The following FAM83D variants were observed in gnomAD, a reference collection of about 807,000 sequenced individuals.
The protein encoded by FAM83D is protein FAM83D.
In FAM83D, 26 loss-of-function variants were observed where a neutral mutation model predicts 25.4. The ratio of observed to expected loss-of-function variants is 1.02; its 90% CI spans 0.75 to 1.42. FAM83D has a LOEUF of 1.42. Ranked by LOEUF, FAM83D falls within the 40% of genes most tolerant of loss-of-function variation. FAM83D has a pLI of 0.00. For missense variants in FAM83D, 740 were observed against 758.1 expected (o/e 0.98, Z 0.28); for synonymous variants, 310 against 318.5 (o/e 0.97, Z 0.28).
intron 1 of FAM83D, among the ~76,000 whole-genome samples, chr20:38,935,500 T>A (rs1272792816): frequency 6.6e-6 from 1 of 152,248 alleles, no homozygotes; most frequent in Non-Finnish European, 1.5e-5. Context: ...TAGAGTGCAG[T>A]GGTGCAATCA....
chr20:38,943,953 A>G lies in FAM83D; in HGVS notation c.651+1827A>G, dbSNP rs188622275. On this transcript the variant is annotated intron_variant, in intron 2 of 3. Coordinates refer to ENST00000619850, the MANE Select transcript of FAM83D (RefSeq NM_030919.3). ...CTGATCCACCCGCCTCGGCCTCCCA[A>G]ATTGCTGGGATTACAGGCATAAGCC... Among the ~76,000 whole-genome samples, 129 of 152,288 alleles carry G rather than the reference A, an allele frequency of 8.5e-4. 1 individual carries two copies. The highest frequency in any genetic ancestry group is 3.0e-3 in the African/African-American group (125 of 41,562).
At chr20:38,930,664 T>C (rs979222773) in intron 1 of FAM83D, among the ~76,000 whole-genome samples, 1 of 151,908 alleles carries the variant, frequency 6.6e-6, no homozygotes, top group African/African-American at 2.4e-5. Context: ...CTTTTTTTTT[T>C]TGGAGACAGA....
intron 1 of FAM83D, among the ~76,000 whole-genome samples, chr20:38,938,644 CT>C (rs2085688529): frequency 6.6e-6 from 1 of 152,232 alleles, no homozygotes; most frequent in Non-Finnish European, 1.5e-5. Flanking sequence ...ACCCCTCACT[CT>C]TGCTTCTTGT....
At chr20:38,936,692 T>C (rs62204117) in intron 1 of FAM83D, among the ~76,000 whole-genome samples, 55,466 of 151,946 alleles carry the variant, frequency 0.37, 10,624 homozygotes, top group Middle Eastern at 0.52. Context: ...CTTGTACTTG[T>C]TTAAGTTTGT....
rs758906450 is a variant in FAM83D at position 38,926,666 on chromosome 20, C to T, written c.224C>T (p.Pro75Leu). Residue 75 changes from proline to leucine, a missense_variant, in exon 1 of 4, where the codon CCG becomes CTG. Pro to Leu is a moderately conservative substitution (Grantham distance 98). This residue lies in a region of FAM83D where 333 missense variants were observed against 298.6 expected (regional missense o/e 1.12). Coordinates refer to ENST00000619850, the MANE Select transcript of FAM83D (RefSeq NM_030919.3). ...VHAILRAAERPGEEGAAAAAA... is the reference protein window; with the variant it reads ...VHAILRAAERLGEEGAAAAAA... ...GCCATTCTGCGCGCGGCGGAGAGGC[C>T]GGGAGAGGAGGGCGCGGCGGCGGCG... is the stretch of plus-strand genomic sequence containing the variant. 2.0e-6 allele frequency: 3 copies of T among 1,532,008 alleles called. No homozygotes were observed. Among genetic ancestry groups the T allele is most frequent in the East Asian group, 2.5e-5 (1 of 40,348 alleles). The allele number at this position is 1,532,008 out of a possible 1,614,324, so 94.9% of individuals were successfully genotyped here.
rs6028216 is a variant in FAM83D, at chr20:38,943,631, C to G, written c.651+1505C>G. Among the ~76,000 whole-genome samples the G allele has an allele frequency of 8.4e-3, 1,272 of 152,330 alleles. 19 individuals carry two copies. Among genetic ancestry groups the G allele is most frequent in the African/African-American group, 0.029 (1,222 of 41,560 alleles). ...GCCTATACAACATAGCTAGCTTGGT[C>G]ACTTTCATGGAAAGAAGAAAGAAAA... is the stretch of plus-strand genomic sequence containing the variant. On this transcript the variant is annotated intron_variant, in intron 2 of 3. Transcript: ENST00000619850.
rs760879047 is a variant in FAM83D at position 38,926,496 on chromosome 20, G to C, written c.54G>C (p.Pro18=). 98 of 1,596,746 alleles carry C rather than the reference G, an allele frequency of 6.1e-5. 1 individual carries two copies. The highest frequency in any genetic ancestry group is 2.5e-5 in the Non-Finnish European group (29 of 1,178,038). The change falls in exon 1 of 4, where the codon CCG becomes CCC. Residue 18 remains proline, a synonymous_variant. Transcript: ENST00000619850. ...AGGTGCCCGCCGCCTGCCTGTCGCCGTGCGGGCCGCCCAACCCGACCGAGC... is the reference window on the plus strand; with the variant it reads ...AGGTGCCCGCCGCCTGCCTGTCGCCCTGCGGGCCGCCCAACCCGACCGAGC... ...LDEVPAACLS[P]CGPPNPTELF... is the part of the protein sequence containing the mutation.
chr20:38,942,546 G>A (rs185738996), intron 2 of FAM83D, among the ~76,000 whole-genome samples: 8 of 152,252 alleles, frequency 5.3e-5, no homozygotes, highest in South Asian at 2.1e-4. Flanking sequence ...GAAGGAAACC[G>A]GTCACAAAAG....
intron 1 of FAM83D, among the ~76,000 whole-genome samples, chr20:38,928,672 A>G (rs2085646553): frequency 6.6e-6 from 1 of 152,168 alleles, no homozygotes; most frequent in African/African-American, 2.4e-5. Flanking sequence ...CTGGAACTAG[A>G]GGCCAGAGGG....
chr20:38,928,191 A>C (rs2085644554), intron 1 of FAM83D, among the ~76,000 whole-genome samples: 1 of 152,238 alleles, frequency 6.6e-6, no homozygotes, highest in Non-Finnish European at 1.5e-5. Flanking sequence ...GACATGGCAG[A>C]TAAAGCCCCA....
At chr20:38,947,022 A>G (rs2085731255) in intron 2 of FAM83D, among the ~76,000 whole-genome samples, 2 of 152,194 alleles carry the variant, frequency 1.3e-5, no homozygotes, top group Admixed American at 6.5e-5. Context: ...GGCTTGGCAC[A>G]TAGTAGGGGC....
At chr20:38,939,987 G>A (rs1038274657) in intron 1 of FAM83D, among the ~76,000 whole-genome samples, 2 of 152,204 alleles carry the variant, frequency 1.3e-5, no homozygotes, top group African/African-American at 2.4e-5. Flanking sequence ...CTGGTAGGTG[G>A]TAGAGCTGGG....
chr20:38,951,385 GC>G (rs1327153598), intron 3 of FAM83D, among the ~76,000 whole-genome samples, 153 bp from the exon 4 acceptor site: 4 of 152,160 alleles, frequency 2.6e-5, no homozygotes, highest in Admixed American at 2.0e-4. Context: ...ATGTGTTAAG[GC>G]TAGTTAAATA....
chr20:38,926,996 G>C, intron 1 of FAM83D, 71 bp downstream of exon 1: 1 of 1,402,564 alleles, frequency 7.1e-7, no homozygotes, highest in Non-Finnish European at 9.2e-7. Context: ...AGGCCTGCTG[G>C]GAGTACGGGC....
At chr20:38,932,259 GC>G (rs2085661657) in intron 1 of FAM83D, among the ~76,000 whole-genome samples, 3 of 152,334 alleles carry the variant, frequency 2.0e-5, no homozygotes, top group Admixed American at 6.5e-5. Flanking sequence ...GGTGGCATGT[GC>G]CTGTAGTTCC....
At chr20:38,935,641 C>T (rs1323872266) in intron 1 of FAM83D, among the ~76,000 whole-genome samples, 3 of 152,120 alleles carry the variant, frequency 2.0e-5, no homozygotes, top group Admixed American at 6.5e-5. Context: ...GACAGGATGT[C>T]AACTGTGTTG....
At chr20:38,940,701 GGACA>G (rs1277919646) in intron 1 of FAM83D, among the ~76,000 whole-genome samples, 1 of 152,068 alleles carries the variant, frequency 6.6e-6, no homozygotes, top group African/African-American at 2.4e-5. Context: ...CTGGAGGTTT[GGACA>G]CCCCCACTGC....
intron 3 of FAM83D, among the ~76,000 whole-genome samples, chr20:38,948,970 A>G (rs2085741258): frequency 6.6e-6 from 1 of 152,254 alleles, no homozygotes; most frequent in Non-Finnish European, 1.5e-5. Flanking sequence ...TATTAAAAAA[A>G]TTTGTTTTTA....
Position 38,952,225 on chromosome 20 carries a change from C to T in FAM83D, c.1463C>T (p.Ala488Val). The T allele has an allele frequency of 1.2e-6, 2 of 1,614,160 alleles. No homozygotes were observed. Among genetic ancestry groups the T allele is most frequent in the Non-Finnish European group, 1.7e-6 (2 of 1,180,030 alleles). The change falls in exon 4 of 4, where the codon GCA (alanine) becomes GTA (valine). Residue 488 changes from alanine to valine, a missense_variant. Transcript: ENST00000619850. ...SSSVSSQGSVASSTGSPASIR... is the reference protein window; with the variant it reads ...SSSVSSQGSVVSSTGSPASIR... ...TCTGTGTCTTCCCAAGGCTCTGTGG[C>T]AAGCTCCACTGGTTCTCCCGCTTCC...
Sources: allele counts gnomAD v4.1 joint callset (sites outside exome capture counted in the v4.1 genomes callset), GRCh38; gene constraint gnomAD v4.1.1; regional missense constraint gnomAD v4.1.1; transcripts MANE v1.5; gene names NCBI Gene and HGNC (gene_info 2026-07-23, HGNC 2026-07-21).